The following LRRC37A2 variants were observed in gnomAD, a reference collection of about 807,000 sequenced individuals.
LRRC37A2 encodes leucine rich repeat containing 37 member A2, also known as leucine-rich repeat-containing protein 37A2.
Under a neutral mutation model 68.8 loss-of-function variants are expected in LRRC37A2, and 9 were observed. That is an observed-to-expected ratio of 0.13 (90% CI 0.08 to 0.23). The LOEUF (loss-of-function observed/expected upper bound fraction) is 0.23, where lower values mean the gene tolerates loss of function less well. Ranked by LOEUF, LRRC37A2 falls within the 10% of genes least tolerant of loss-of-function variation. The probability of loss-of-function intolerance (pLI) is 1.00; values close to 1 mark genes in which losing one functional copy is unlikely to be tolerated. For synonymous variants in LRRC37A2, 63 were observed against 367.6 expected, an observed-to-expected ratio of 0.17 and a Z score of 9.48; for missense variants, 168 against 950.4, an observed-to-expected ratio of 0.18 and a Z score of 10.82.
chr17:46,775,848 C>A, the LRRC37A2 span, among the ~76,000 whole-genome samples: 1 of 151,958 alleles, frequency 6.6e-6, no homozygotes, highest in Non-Finnish European at 1.5e-5. Context: ...CTCCTGACCT[C>A]GTGATCCACA....
chr17:46,995,799 C>T, the LRRC37A2 span, among the ~76,000 whole-genome samples: 6 of 152,344 alleles, frequency 3.9e-5, no homozygotes, highest in East Asian at 1.2e-3. Flanking sequence ...TCATTCTTCT[C>T]AACCCAACTG....
At chr17:46,516,272 C>T (rs1598289586) in intron 2 of LRRC37A2, among the ~76,000 whole-genome samples, 1 of 126,422 alleles carries the variant, frequency 7.9e-6, no homozygotes, top group East Asian at 2.1e-4. Flanking sequence ...CACTGCACTC[C>T]AGCCTGGGCG....
chr17:46,812,944 G>A, the LRRC37A2 span, among the ~76,000 whole-genome samples: 13 of 152,164 alleles, frequency 8.5e-5, no homozygotes, highest in Admixed American at 3.9e-4. Flanking sequence ...TTTTACAGAT[G>A]AGGAAACTGA....
chr17:46,787,675 C>T, the LRRC37A2 span, among the ~76,000 whole-genome samples: 30 of 152,326 alleles, frequency 2.0e-4, no homozygotes, highest in East Asian at 3.9e-4. Context: ...TAGCCTCGGC[C>T]GGGCGCGGTG....
chr17:46,965,582 C>T, the LRRC37A2 span, among the ~76,000 whole-genome samples: 1 of 151,896 alleles, frequency 6.6e-6, no homozygotes, highest in Non-Finnish European at 1.5e-5. Flanking sequence ...GGTTTCTGCT[C>T]CACCCAGGGC....
the LRRC37A2 span, chr17:46,911,318 A>G: frequency 6.6e-6 from 1 of 152,196 alleles, no homozygotes; most frequent in South Asian, 2.1e-4. Flanking sequence ...GTCCAGGAAA[A>G]TGGGGTCCCA....
intron 6 of LRRC37A2, among the ~76,000 whole-genome samples, chr17:46,534,507 G>C (rs1293475540): frequency 2.0e-5 from 3 of 148,368 alleles, no homozygotes; most frequent in Non-Finnish European, 4.4e-5. Context: ...AGAGCACTGG[G>C]TTGGGGGTAA....
chr17:46,713,396 G>C, the LRRC37A2 span: 3 of 156,494 alleles, frequency 1.9e-5, no homozygotes, highest in Non-Finnish European at 4.2e-5. Flanking sequence ...TTATGAGAAG[G>C]CCTGAGTCTT....
the LRRC37A2 span, among the ~76,000 whole-genome samples, chr17:46,766,067 A>C: frequency 6.6e-6 from 1 of 152,166 alleles, no homozygotes; most frequent in Non-Finnish European, 1.5e-5. Context: ...GAGGAAAAAA[A>C]ACACTCATTG....
At chr17:46,997,843 G>A in the LRRC37A2 span, among the ~76,000 whole-genome samples, 1 of 152,114 alleles carries the variant, frequency 6.6e-6, no homozygotes. Context: ...GGTGGCAGGT[G>A]CCTGTAATCC....
chr17:46,855,890 T>C, the LRRC37A2 span, among the ~76,000 whole-genome samples: 1 of 151,924 alleles, frequency 6.6e-6, no homozygotes, highest in African/African-American at 2.4e-5. Context: ...GTAGAGACCA[T>C]GTTGATCAGG....
At chr17:46,990,780 C>T in the LRRC37A2 span, among the ~76,000 whole-genome samples, 4 of 152,096 alleles carry the variant, frequency 2.6e-5, no homozygotes, top group South Asian at 2.1e-4. Context: ...AAGCAATTCT[C>T]ATGCCTCAGC....
chr17:46,965,411 G>A, the LRRC37A2 span, among the ~76,000 whole-genome samples: 3 of 152,282 alleles, frequency 2.0e-5, no homozygotes, highest in African/African-American at 2.4e-5. Flanking sequence ...GACTTCTGTG[G>A]CACCCCAGGG....
chr17:46,493,738 C>A, the LRRC37A2 span, among the ~76,000 whole-genome samples: 1 of 150,014 alleles, frequency 6.7e-6, no homozygotes, highest in Non-Finnish European at 1.5e-5. Flanking sequence ...GGGGTTTCAC[C>A]ATGTTAGCCA....
At chr17:46,959,754 C>A in the LRRC37A2 span, among the ~76,000 whole-genome samples, 1 of 152,182 alleles carries the variant, frequency 6.6e-6, no homozygotes, top group Non-Finnish European at 1.5e-5. Context: ...CCACTCTCCA[C>A]TACAAAACTT....
At chr17:46,542,131 A>C (rs548222832) in intron 8 of LRRC37A2, among the ~76,000 whole-genome samples, 3 of 141,544 alleles carry the variant, frequency 2.1e-5, no homozygotes, top group African/African-American at 8.7e-5. Context: ...GTCTAAAAAA[A>C]AAAGTAAGAA....
At chr17:46,534,171 G>A (rs2054185116) in intron 6 of LRRC37A2, among the ~76,000 whole-genome samples, 1 of 148,182 alleles carries the variant, frequency 6.7e-6, no homozygotes, top group African/African-American at 2.6e-5. Context: ...GCACCACCAT[G>A]CCCAGTTTTT....
the LRRC37A2 span, among the ~76,000 whole-genome samples, chr17:46,959,042 C>G: frequency 5.3e-5 from 8 of 152,200 alleles, no homozygotes; most frequent in African/African-American, 1.9e-4. Flanking sequence ...TAGCTGCATG[C>G]AAGGCTGTCC....
the LRRC37A2 span, among the ~76,000 whole-genome samples, chr17:46,496,602 C>CGGGGA: frequency 1.3e-5 from 1 of 79,426 alleles, no homozygotes; most frequent in African/African-American, 5.3e-5. Flanking sequence ...GACTCCATCT[C>CGGGGA]AAAAGAAAAA....
Sources: allele counts gnomAD v4.1 joint callset (sites outside exome capture counted in the v4.1 genomes callset), GRCh38; gene constraint gnomAD v4.1.1; transcripts MANE v1.5; gene names NCBI Gene and HGNC (gene_info 2026-07-23, HGNC 2026-07-21).